EPHB1: variants seen among roughly 807,000 people sequenced by gnomAD.
EPHB1 encodes the protein EPH receptor B1.
Under a neutral mutation model 94.4 loss-of-function variants are expected in EPHB1, and 30 were observed. That is an observed-to-expected ratio of 0.32 (90% CI 0.24 to 0.43). The LOEUF (loss-of-function observed/expected upper bound fraction) is 0.43, where lower values mean the gene tolerates loss of function less well. Ranked by LOEUF, EPHB1 falls within the 20% of genes least tolerant of loss-of-function variation. EPHB1 has a pLI of 1.00. For missense variants in EPHB1, 1,055 were observed against 1,308.3 expected, an observed-to-expected ratio of 0.81 and a Z score of 2.99; for synonymous variants, 522 against 489.1, an observed-to-expected ratio of 1.07 and a Z score of -0.89.
chr3:135,097,241 C>T (rs1938837253), intron 3 of EPHB1, among the ~76,000 whole-genome samples: 1 of 145,852 alleles, frequency 6.9e-6, no homozygotes, highest in Non-Finnish European at 1.5e-5. Flanking sequence ...ATTTGAGAAC[C>T]TGGCCTAGAT....
intron 12 of EPHB1, among the ~76,000 whole-genome samples, chr3:135,219,051 G>T (rs1227718036): frequency 6.6e-6 from 1 of 152,134 alleles, no homozygotes; most frequent in East Asian, 1.9e-4. Flanking sequence ...ACAGGTGGGG[G>T]AAGAGTTGCC....
At chr3:135,126,597 T>A (rs536836481) in intron 4 of EPHB1, among the ~76,000 whole-genome samples, 1 of 152,250 alleles carries the variant, frequency 6.6e-6, no homozygotes, top group South Asian at 2.1e-4. Flanking sequence ...TTCTGCCCCT[T>A]GGTAGAAGTG....
chr3:134,886,590 T>G (rs61232627), intron 1 of EPHB1, among the ~76,000 whole-genome samples: 2,593 of 152,344 alleles, frequency 0.017, 67 homozygotes, highest in African/African-American at 0.059. Flanking sequence ...CTTTCCTTCC[T>G]GTAAATAATA....
chr3:134,932,888 A>G (rs2038932142), intron 2 of EPHB1, among the ~76,000 whole-genome samples: 1 of 152,232 alleles, frequency 6.6e-6, no homozygotes, highest in South Asian at 2.1e-4. Context: ...GCAGGAGGGC[A>G]GAAGAAGGTG....
chr3:135,162,121 G>A lies in EPHB1; in HGVS notation c.1526G>A (p.Arg509His), dbSNP rs773682419. The change falls in exon 7 of 16, where the codon CGC (arginine) becomes CAC (histidine). Residue 509 changes from arginine to histidine, a missense_variant. Coordinates refer to ENST00000398015, the MANE Select transcript of EPHB1 (RefSeq NM_004441.5). ...GTATATGTGGTACAGGTGCGTGCCCGCACTGTTGCTGGCTACGGCAAGTTC... is the reference window on the plus strand; with the variant it reads ...GTATATGTGGTACAGGTGCGTGCCCACACTGTTGCTGGCTACGGCAAGTTC... ...GMVYVVQVRA[R>H]TVAGYGKFSG... 9.3e-6 allele frequency: 15 copies of A among 1,612,238 alleles called. No homozygotes were observed. The highest frequency in any genetic ancestry group is 2.2e-5 in the East Asian group (1 of 44,730).
At chr3:135,240,568 A>G (rs1316581035) in intron 12 of EPHB1, among the ~76,000 whole-genome samples, 1 of 152,124 alleles carries the variant, frequency 6.6e-6, no homozygotes, top group Non-Finnish European at 1.5e-5. Flanking sequence ...GGACCATTCA[A>G]CCCTCATGAA....
intron 3 of EPHB1, among the ~76,000 whole-genome samples, chr3:134,977,222 G>A (rs529446910): frequency 7.3e-4 from 111 of 152,266 alleles, no homozygotes; most frequent in Admixed American, 1.8e-3. Flanking sequence ...CCACTGTTGC[G>A]AGTGGCCTGG....
At chr3:135,236,337 C>G (rs1943652543) in intron 12 of EPHB1, among the ~76,000 whole-genome samples, 1 of 151,942 alleles carries the variant, frequency 6.6e-6, no homozygotes, top group Non-Finnish European at 1.5e-5. Flanking sequence ...TATAAGGATG[C>G]CAGCATGAAA....
At chr3:134,816,928 G>C (rs1295146864) in intron 1 of EPHB1, among the ~76,000 whole-genome samples, 5 of 151,988 alleles carry the variant, frequency 3.3e-5, no homozygotes, top group African/African-American at 9.7e-5. Context: ...CGAATTCCTA[G>C]CAGACCCAGC....
chr3:134,795,831 G>T lies in EPHB1; in HGVS notation c.58+142G>T, dbSNP rs571809392. 2.2e-5 allele frequency: 22 copies of T among 987,402 alleles called. No homozygotes were observed. In the African/African-American group the frequency reaches 3.4e-4, roughly 15 times the overall value. The allele number at this position is 987,402 out of a possible 1,614,324, so 61.2% of individuals were successfully genotyped here. A position where few individuals can be genotyped will look rare whatever the true frequency, so the allele number is the denominator to read the frequency against. The stretch of plus-strand genomic sequence containing the variant: ...GAGGGCAAGGAGGTTTGGGAGCCTC[G>T]GCCGCTGCCGAGCGCGGGGCTTGGG... On this transcript the variant is annotated intron_variant, in intron 1 of 15. Coordinates refer to ENST00000398015, the MANE Select transcript of EPHB1 (RefSeq NM_004441.5).
intron 12 of EPHB1, among the ~76,000 whole-genome samples, chr3:135,232,380 C>T (rs564979900): frequency 6.6e-6 from 1 of 152,334 alleles, no homozygotes; most frequent in South Asian, 2.1e-4. Flanking sequence ...AGGGCAGGCC[C>T]ATCTGTGTGT....
At chr3:135,178,245 C>T (rs973292559) in intron 9 of EPHB1, among the ~76,000 whole-genome samples, 3 of 147,578 alleles carry the variant, frequency 2.0e-5, no homozygotes, top group Admixed American at 6.7e-5. Flanking sequence ...ATCATGAGGT[C>T]GGGAGTTCAA....
chr3:135,033,182 G>A (rs1459573222), intron 3 of EPHB1, among the ~76,000 whole-genome samples: 2 of 152,276 alleles, frequency 1.3e-5, no homozygotes, highest in East Asian at 1.9e-4. Flanking sequence ...GGGCAGCATG[G>A]GGGAATTCCT....
chr3:135,226,927 A>G (rs1943417722), intron 12 of EPHB1, among the ~76,000 whole-genome samples: 1 of 152,204 alleles, frequency 6.6e-6, no homozygotes, highest in Non-Finnish European at 1.5e-5. Context: ...AAGGAAAACC[A>G]AATACCACCT....
At chr3:134,824,571 C>T (rs2036442138) in intron 1 of EPHB1, among the ~76,000 whole-genome samples, 1 of 152,172 alleles carries the variant, frequency 6.6e-6, no homozygotes, top group African/African-American at 2.4e-5. Context: ...GGGAACTTGC[C>T]AACCCAGAGT....
chr3:135,106,371 C>T, intron 3 of EPHB1, 77 bp from the exon 4 acceptor site: 1 of 1,541,358 alleles, frequency 6.5e-7, no homozygotes, highest in Non-Finnish European at 8.9e-7. Context: ...GAGGAAGACA[C>T]TCCTTTTCCG....
At chr3:135,127,020 C>T (rs1284431267) in intron 4 of EPHB1, among the ~76,000 whole-genome samples, 1 of 152,178 alleles carries the variant, frequency 6.6e-6, no homozygotes, top group African/African-American at 2.4e-5. Flanking sequence ...TACTCAATTT[C>T]TCTGTGGACC....
intron 5 of EPHB1, among the ~76,000 whole-genome samples, chr3:135,153,002 A>C (rs917836699): frequency 1.3e-5 from 2 of 152,190 alleles, no homozygotes; most frequent in Non-Finnish European, 2.9e-5. Context: ...CTGGACTAGC[A>C]GCATCTTCAG....
intron 4 of EPHB1, among the ~76,000 whole-genome samples, chr3:135,120,267 T>G (rs1939897060): frequency 1.3e-5 from 2 of 152,268 alleles, no homozygotes; most frequent in South Asian, 4.1e-4. Flanking sequence ...AGTCTTCTTT[T>G]ACGTTCTTCG....
Sources: gnomAD v4.1 joint callset for allele counts (sites outside exome capture counted in the v4.1 genomes callset) on GRCh38, gnomAD v4.1.1 for gene constraint, MANE v1.5 for transcripts, NCBI Gene and HGNC (gene_info 2026-07-23, HGNC 2026-07-21) for gene names.